The following LIFR variants were observed in gnomAD, a reference collection of about 807,000 sequenced individuals.
LIFR encodes the protein LIF receptor subunit alpha.
A neutral mutation model predicts 122.2 loss-of-function variants in LIFR; 84 were observed. The observed-to-expected ratio is 0.69, with a 90% confidence interval of 0.58 to 0.82. The LOEUF (loss-of-function observed/expected upper bound fraction) is 0.82. Among genes scored for constraint, LIFR ranks in the 40% least tolerant of loss-of-function variants. The probability of loss-of-function intolerance (pLI) is 0.00; values close to 1 mark genes in which losing one functional copy is unlikely to be tolerated. For synonymous variants in LIFR, 422 were observed against 434.7 expected (o/e 0.97, Z 0.36); for missense variants, 1,294 against 1,311.6 (o/e 0.99, Z 0.21).
upstream of LIFR, among the ~76,000 whole-genome samples, chr5:38,598,533 G>A (rs1238794037): frequency 6.6e-6 from 1 of 151,822 alleles, no homozygotes; most frequent in Non-Finnish European, 1.5e-5. Flanking sequence ...TCTGGCTCCT[G>A]CCACATTCTA....
chr5:38,560,781 A>G (rs939131048), upstream of LIFR, among the ~76,000 whole-genome samples: 3 of 151,888 alleles, frequency 2.0e-5, no homozygotes, highest in African/African-American at 7.3e-5. Context: ...TATTTTTAGT[A>G]GAGACAGGGT....
At chr5:38,546,514 C>G (rs1747902817) in intron 1 of LIFR, among the ~76,000 whole-genome samples, 2 of 152,204 alleles carry the variant, frequency 1.3e-5, no homozygotes, top group Non-Finnish European at 2.9e-5. Flanking sequence ...CATTCCACAT[C>G]TCACAGGATA....
upstream of LIFR, among the ~76,000 whole-genome samples, chr5:38,596,025 C>T (rs2071234): frequency 9.0e-3 from 1,374 of 152,260 alleles, 121 homozygotes; most frequent in East Asian, 0.2. Context: ...CGTGAGCCAC[C>T]GCGCCCGGCC....
intron 1 of LIFR, among the ~76,000 whole-genome samples, chr5:38,537,648 A>G (rs552793350): frequency 8.1e-6 from 1 of 124,218 alleles, no homozygotes; most frequent in Admixed American, 9.0e-5. Context: ...ACTTCTCACT[A>G]ATACCAAGGA....
intron 7 of LIFR, among the ~76,000 whole-genome samples, chr5:38,508,438 G>GT (rs1191487351): frequency 6.6e-6 from 1 of 152,116 alleles, no homozygotes; most frequent in African/African-American, 2.4e-5. Context: ...TACAAATATT[G>GT]TAAGAATGAA....
intron 1 of LIFR, among the ~76,000 whole-genome samples, chr5:38,570,416 AT>A (rs1225855075): frequency 6.6e-6 from 1 of 152,190 alleles, no homozygotes; most frequent in Non-Finnish European, 1.5e-5. Context: ...GTAGGAAAAT[AT>A]AATAGAGTTC....
chr5:38,485,251 T>C (rs940945687), intron 17 of LIFR, among the ~76,000 whole-genome samples: 1 of 152,142 alleles, frequency 6.6e-6, no homozygotes, highest in Admixed American at 6.5e-5. Flanking sequence ...GCCAAGTATC[T>C]CTTAGGTGAC....
chr5:38,549,356 T>C (rs1016787641), intron 1 of LIFR, among the ~76,000 whole-genome samples: 2 of 152,056 alleles, frequency 1.3e-5, no homozygotes, highest in Non-Finnish European at 2.9e-5. Context: ...TTTACAAATA[T>C]TGAGTATCTT....
upstream of LIFR, among the ~76,000 whole-genome samples, chr5:38,599,123 A>G (rs1366414606): frequency 1.3e-5 from 2 of 152,198 alleles, no homozygotes; most frequent in Non-Finnish European, 2.9e-5. Context: ...TAGAAAGAGC[A>G]TAACTTAGAA....
At chr5:38,550,474 C>T (rs1748143714) in intron 1 of LIFR, among the ~76,000 whole-genome samples, 1 of 152,196 alleles carries the variant, frequency 6.6e-6, no homozygotes, top group South Asian at 2.1e-4. Flanking sequence ...ATGTAAAACA[C>T]TGCACCTTCG....
In LIFR at chr5:38,530,680, G is replaced by A; in HGVS notation, c.-19-14C>T. 1.2e-6 allele frequency: 2 copies of A among 1,611,476 alleles called. No individual in the cohort carries two copies. Among genetic ancestry groups the A allele is most frequent in the Non-Finnish European group, 8.5e-7 (1 of 1,177,626 alleles). ...ATGCAGTCAGTCCTAGGTTAGGAGA[G>A]GAATTCCAGATGGTGTTCAGATTGT... On this transcript the variant is annotated splice_polypyrimidine_tract_variant and intron_variant, in intron 1 of 19. Coordinates refer to ENST00000453190, the MANE Select transcript of LIFR (RefSeq NM_001127671.2).
At chr5:38,520,929 ACTT>A (rs1316640994) in intron 5 of LIFR, among the ~76,000 whole-genome samples, 1 of 152,122 alleles carries the variant, frequency 6.6e-6, no homozygotes, top group East Asian at 1.9e-4. Context: ...GTTTCTTTTG[ACTT>A]CATACAAATT....
chr5:38,553,106 C>T (rs1322717548), intron 1 of LIFR, among the ~76,000 whole-genome samples: 1 of 152,190 alleles, frequency 6.6e-6, no homozygotes, highest in Non-Finnish European at 1.5e-5. Context: ...CTTTCACCAA[C>T]TCCAGCCACA....
At chr5:38,574,777 C>CA (rs1295198139) in intron 1 of LIFR, among the ~76,000 whole-genome samples, 21 of 152,150 alleles carry the variant, frequency 1.4e-4, no homozygotes, top group Non-Finnish European at 1.5e-5. Context: ...TGCATGCTGA[C>CA]GGTCACAGTC....
At chr5:38,589,563 TA>T (rs1048492488) in intron 1 of LIFR, among the ~76,000 whole-genome samples, 7 of 152,216 alleles carry the variant, frequency 4.6e-5, no homozygotes, top group African/African-American at 1.7e-4. Flanking sequence ...CCATCAAATT[TA>T]AAAAAATGGG....
At chr5:38,550,939 T>C (rs188905300) in intron 1 of LIFR, among the ~76,000 whole-genome samples, 14 of 152,322 alleles carry the variant, frequency 9.2e-5, no homozygotes, top group Admixed American at 5.2e-4. Context: ...TTACTTGATT[T>C]TTGTTTAAGT....
intron 8 of LIFR, among the ~76,000 whole-genome samples, 159 bp from the exon 9 acceptor site, chr5:38,506,233 A>G (rs917244047): frequency 7.9e-5 from 12 of 152,236 alleles, no homozygotes; most frequent in African/African-American, 2.4e-4. Flanking sequence ...TACAGAAAAT[A>G]GAAGAAATTA....
chr5:38,510,817 A>G (rs1261210012), intron 6 of LIFR, 99 bp from the exon 7 acceptor site: 1 of 984,354 alleles, frequency 1.0e-6, no homozygotes, highest in African/African-American at 1.6e-5. Flanking sequence ...TGACTTTTAA[A>G]ATAGCCCAGT....
intron 4 of LIFR, among the ~76,000 whole-genome samples, chr5:38,525,008 C>T (rs192855518): frequency 6.6e-6 from 1 of 152,180 alleles, no homozygotes; most frequent in Non-Finnish European, 1.5e-5. Context: ...TTTAGGAGAA[C>T]AGTGGGCTCT....
Sources: allele counts gnomAD v4.1 joint callset (sites outside exome capture counted in the v4.1 genomes callset), GRCh38; gene constraint gnomAD v4.1.1; transcripts MANE v1.5; gene names NCBI Gene and HGNC (gene_info 2026-07-23, HGNC 2026-07-21).